The following ABL1 variants were observed in gnomAD, a reference collection of about 807,000 sequenced individuals.
The protein encoded by ABL1 is tyrosine-protein kinase ABL1.
ABL1 carries 11 observed loss-of-function variants against 94.7 expected under a neutral mutation model. The observed-to-expected ratio is 0.12, with a 90% CI of 0.07 to 0.19. The LOEUF (loss-of-function observed/expected upper bound fraction) is 0.19. Ranked by LOEUF, ABL1 falls within the 10% of genes least tolerant of loss-of-function variation. The pLI is 1.00. For missense variants in ABL1, 1,082 were observed against 1,489.4 expected (o/e 0.73, Z 4.50); for synonymous variants, 656 against 622.4 (o/e 1.05, Z -0.80).
chr9:130,846,316 G>A (rs1212674880), intron 1 of ABL1, among the ~76,000 whole-genome samples: 5 of 152,108 alleles, frequency 3.3e-5, no homozygotes, highest in Admixed American at 6.6e-5. Context: ...GATCTCATCC[G>A]CTGGAACGGA....
In ABL1 at chr9:130,885,067, C is replaced by T. The variant is rs2133038595; in HGVS notation, c.2777C>T (p.Ala926Val). 1 of 1,609,218 alleles carries T rather than the reference C, an allele frequency of 6.2e-7. No homozygotes were observed. Among genetic ancestry groups the T allele is most frequent in the Non-Finnish European group, 8.5e-7 (1 of 1,177,792 alleles). ...CCGAGCCAGGAGGCGGCCGGGGAGG[C>T]AGTCCTGGGCGCAAAGACAAAAGCC... ...QSPSQEAAGEAVLGAKTKATS... is the reference protein window; with the variant it reads ...QSPSQEAAGEVVLGAKTKATS... Residue 926 changes from alanine to valine, a missense_variant, in exon 11 of 11, where the codon GCA (alanine) becomes GTA (valine). Ala to Val is a moderately conservative substitution (Grantham distance 64). Transcript: ENST00000318560.
At chr9:130,749,687 T>G (rs997373843) in intron 1 of ABL1, among the ~76,000 whole-genome samples, 9 of 152,348 alleles carry the variant, frequency 5.9e-5, no homozygotes, top group Non-Finnish European at 7.3e-5. Flanking sequence ...ATAGACTCTT[T>G]CTTTGCTCTC....
intron 1 of ABL1, among the ~76,000 whole-genome samples, chr9:130,808,272 C>T (rs180933240): frequency 3.6e-5 from 5 of 139,628 alleles, no homozygotes; most frequent in East Asian, 2.2e-4. Context: ...GAAATGGAGT[C>T]GTGCTCTGTC....
At chr9:130,842,578 G>A (rs1234880215) in intron 1 of ABL1, among the ~76,000 whole-genome samples, 1 of 152,172 alleles carries the variant, frequency 6.6e-6, no homozygotes, top group Admixed American at 6.5e-5. Context: ...ACCCAGATCA[G>A]CAATAAAAAT....
chr9:130,757,700 G>A (rs765130348), intron 1 of ABL1, among the ~76,000 whole-genome samples: 33 of 151,828 alleles, frequency 2.2e-4, no homozygotes, highest in Admixed American at 1.0e-3. Context: ...CACCACGCCC[G>A]GCTAATTTTT....
intron 1 of ABL1, among the ~76,000 whole-genome samples, chr9:130,830,046 CT>C (rs1264289427): frequency 6.6e-6 from 1 of 151,906 alleles, no homozygotes; most frequent in Non-Finnish European, 1.5e-5. Flanking sequence ...TATTTTTAGC[CT>C]TTTTTACAAG....
chr9:130,858,309 C>T (rs1375274115), intron 3 of ABL1, among the ~76,000 whole-genome samples: 1 of 152,008 alleles, frequency 6.6e-6, no homozygotes, highest in East Asian at 1.9e-4. Context: ...GGAGAATCTG[C>T]CTAAGATGCC....
At chr9:130,800,027 C>T (rs1830034353) in intron 1 of ABL1, among the ~76,000 whole-genome samples, 1 of 152,010 alleles carries the variant, frequency 6.6e-6, no homozygotes, top group Admixed American at 6.6e-5. Context: ...CACCTGTCAC[C>T]AGGCCTGGCT....
intron 6 of ABL1, 118 bp from the exon 7 acceptor site, chr9:130,874,749 TC>T: frequency 9.1e-7 from 1 of 1,099,592 alleles, no homozygotes. Flanking sequence ...AATACAAACT[TC>T]CAGGGCATTG....
chr9:130,835,413 G>T lies in ABL1; in HGVS notation c.-34G>T, dbSNP rs751784616. The T allele has an allele frequency of 2.2e-6, 3 of 1,389,420 alleles. No individual in the cohort carries two copies. Among genetic ancestry groups the T allele is most frequent in the South Asian group, 2.5e-5 (2 of 79,116 alleles). 86.1% of individuals were successfully genotyped at this position (1,389,420 alleles called of 1,614,324 possible). A position where few individuals can be genotyped will look rare whatever the true frequency, so the allele number is the denominator to read the frequency against. ...CGGGCCCGCGGACCGAGCTGGGAGAGGGGTTCCGGCCCCCGACGTGCTGGC... is the reference window on the plus strand; with the variant it reads ...CGGGCCCGCGGACCGAGCTGGGAGATGGGTTCCGGCCCCCGACGTGCTGGC... On this transcript the variant is annotated 5_prime_UTR_variant, in exon 1 of 11. The change creates a new upstream start codon in the 5' untranslated region. Coordinates refer to ENST00000318560, the MANE Select transcript of ABL1 (RefSeq NM_005157.6). The surrounding 1 kb of genome is among the most constrained non-coding windows in gnomAD (Gnocchi z 4.6).
Position 130,886,165 on chromosome 9 carries a change from C to A in ABL1, c.*482C>A, listed in dbSNP as rs543473848. ...TCTGCCTGCACTCCCTGGCCTTGCC[C>A]GTCGTGTGCTGAAGACATGTTTCAA... On this transcript the variant is annotated 3_prime_UTR_variant, in exon 11 of 11. Coordinates refer to ENST00000318560, the MANE Select transcript of ABL1 (RefSeq NM_005157.6). 1.9e-4 allele frequency: 46 copies of A among 244,368 alleles called. No individual in the cohort carries two copies. Among genetic ancestry groups the A allele is most frequent in the Non-Finnish European group, 2.7e-4 (34 of 124,874 alleles). 15.1% of individuals were successfully genotyped at this position (244,368 alleles called of 1,614,324 possible).
At chr9:130,857,508 C>G (rs1347490762) in intron 3 of ABL1, among the ~76,000 whole-genome samples, 1 of 152,058 alleles carries the variant, frequency 6.6e-6, no homozygotes, top group Non-Finnish European at 1.5e-5. Context: ...TGTATCTAGG[C>G]CTGTTGACCT....
intron 4 of ABL1, among the ~76,000 whole-genome samples, chr9:130,867,473 G>T (rs145701216): frequency 2.0e-5 from 3 of 152,154 alleles, no homozygotes; most frequent in African/African-American, 7.2e-5. Context: ...TGGTGGGTCC[G>T]CTTCCAGAAA....
At chr9:130,753,769 C>A (rs575868088) in intron 1 of ABL1, among the ~76,000 whole-genome samples, 3 of 151,658 alleles carry the variant, frequency 2.0e-5, no homozygotes, top group Non-Finnish European at 4.4e-5. Flanking sequence ...TGTGTCATAA[C>A]CCCGGCACCT....
intron 1 of ABL1, among the ~76,000 whole-genome samples, chr9:130,838,705 A>C (rs1265081433): frequency 6.6e-6 from 1 of 152,164 alleles, no homozygotes; most frequent in Non-Finnish European, 1.5e-5. Flanking sequence ...TTTTCTGATT[A>C]TTTCTTTCCC....
intron 1 of ABL1, among the ~76,000 whole-genome samples, chr9:130,847,916 T>G (rs1429041511): frequency 6.6e-6 from 1 of 152,206 alleles, no homozygotes; most frequent in Admixed American, 6.5e-5. Context: ...GGCGGGGATC[T>G]GCATTCTGCT....
chr9:130,744,856 CAAAA>C (rs796361842), intron 1 of ABL1, among the ~76,000 whole-genome samples: 1 of 58,368 alleles, frequency 1.7e-5, no homozygotes. Flanking sequence ...GACTCCGTCT[CAAAA>C]AAAAAAAAAA....
intron 1 of ABL1, among the ~76,000 whole-genome samples, chr9:130,726,210 G>GTA (rs71389341): frequency 0.52 from 79,515 of 151,506 alleles, 22,479 homozygotes; most frequent in African/African-American, 0.74. Context: ...GGCACAAATT[G>GTA]AATGTACAGC....
chr9:130,844,423 G>T (rs1027422504), intron 1 of ABL1, among the ~76,000 whole-genome samples: 1 of 152,150 alleles, frequency 6.6e-6, no homozygotes, highest in Non-Finnish European at 1.5e-5. Flanking sequence ...CTCTATTTAT[G>T]AGTGTCTTTG....
Sources: gnomAD v4.1 joint callset for allele counts (sites outside exome capture counted in the v4.1 genomes callset) on GRCh38, gnomAD v4.1.1 for gene constraint, Gnocchi (gnomAD v3.1) non-coding constraint, MANE v1.5 for transcripts, NCBI Gene and HGNC (gene_info 2026-07-23, HGNC 2026-07-21) for gene names.